Variants in PTPRQ observed in about 807,000 individuals in gnomAD.
PTPRQ encodes the protein phosphatidylinositol phosphatase PTPRQ.
In PTPRQ, 199 loss-of-function variants were observed where a neutral mutation model predicts 246.0. The ratio of observed to expected loss-of-function variants is 0.81; its 90% confidence interval spans 0.72 to 0.91. The LOEUF is 0.91. Ranked by LOEUF, PTPRQ falls within the 40% of genes least tolerant of loss-of-function variation. The pLI, the probability that PTPRQ is intolerant of heterozygous loss-of-function variation, is 0.00. For missense variants in PTPRQ, 2,624 were observed against 2,528.4 expected, an observed-to-expected ratio of 1.04 and a Z score of -0.81; for synonymous variants, 869 against 853.2, an observed-to-expected ratio of 1.02 and a Z score of -0.32.
At position 80,522,297 on chromosome 12, in the gene PTPRQ, G is replaced by A. The variant is rs750952194; in HGVS notation, c.2679-11718G>A. Among the ~76,000 whole-genome samples, 141 of 152,182 alleles carry A rather than the reference G, an allele frequency of 9.3e-4. 1 individual carries two copies. Among genetic ancestry groups the A allele is most frequent in the Admixed American group, 2.3e-3 (35 of 15,264 alleles). ...TGGAGTTTTCTAGATATACAATCATGTCATCTGCAAACAGGGACAATTTGA... is the reference window on the plus strand; with the variant it reads ...TGGAGTTTTCTAGATATACAATCATATCATCTGCAAACAGGGACAATTTGA... On this transcript the variant is annotated intron_variant, in intron 17 of 44. Transcript: ENST00000644991.
chr12:80,677,931 A>T (rs1321495004), intron 43 of PTPRQ, among the ~76,000 whole-genome samples: 1 of 152,148 alleles, frequency 6.6e-6, no homozygotes, highest in Non-Finnish European at 1.5e-5. Context: ...ATAAGGTCCA[A>T]ACTCAGAGAT....
chr12:80,544,335 C>CA (rs1218611100), intron 23 of PTPRQ, among the ~76,000 whole-genome samples: 4 of 151,978 alleles, frequency 2.6e-5, no homozygotes, highest in Admixed American at 2.0e-4. Flanking sequence ...TTTAAAAGAA[C>CA]AAAAAAACTG....
intron 6 of PTPRQ, among the ~76,000 whole-genome samples, chr12:80,465,843 G>T (rs1565723352): frequency 6.6e-6 from 1 of 152,004 alleles, no homozygotes; most frequent in South Asian, 2.1e-4. Context: ...TTAGGAATTG[G>T]TGGGACGTAT....
At chr12:80,466,125 A>G (rs1893398662) in intron 6 of PTPRQ, among the ~76,000 whole-genome samples, 1 of 152,204 alleles carries the variant, frequency 6.6e-6, no homozygotes, top group Non-Finnish European at 1.5e-5. Flanking sequence ...TCAGCCCAAA[A>G]TCTCCTTAAG....
chr12:80,551,777 C>G (rs754312015), intron 25 of PTPRQ, among the ~76,000 whole-genome samples: 5 of 151,718 alleles, frequency 3.3e-5, no homozygotes, highest in South Asian at 2.1e-4. Context: ...GCTGATGTCT[C>G]CAGCCAAACT....
At chr12:80,558,411 G>T (rs1409395403) in intron 25 of PTPRQ, among the ~76,000 whole-genome samples, 1 of 148,720 alleles carries the variant, frequency 6.7e-6, no homozygotes, top group African/African-American at 2.5e-5. Flanking sequence ...CAGGCAATGT[G>T]CCCACCTCGG....
At chr12:80,621,953 C>A (rs1194804486) in intron 32 of PTPRQ, 108 bp from the exon 33 acceptor site, 10 of 778,860 alleles carry the variant, frequency 1.3e-5, no homozygotes, top group South Asian at 3.1e-5. Context: ...CTTGTAAATT[C>A]ATTTTCTTTT....
At chr12:80,503,669 C>T (rs1034716542) in intron 14 of PTPRQ, among the ~76,000 whole-genome samples, 5 of 151,766 alleles carry the variant, frequency 3.3e-5, no homozygotes, top group Non-Finnish European at 5.9e-5. Flanking sequence ...GTTTAACCCT[C>T]CAAGTTAATT....
intron 43 of PTPRQ, among the ~76,000 whole-genome samples, chr12:80,673,772 C>A (rs1299231594): frequency 6.6e-6 from 1 of 151,990 alleles, no homozygotes; most frequent in African/African-American, 2.4e-5. Context: ...TTGTAGCACG[C>A]TATCAACTAT....
intron 8 of PTPRQ, 117 bp downstream of exon 8, chr12:80,472,368 T>G (rs1180304290): frequency 1.5e-6 from 2 of 1,361,184 alleles, no homozygotes; most frequent in East Asian, 5.0e-5. Context: ...GTTATTTCCT[T>G]ATTAAATTAC....
At chr12:80,462,370 A>G (rs1893219489) in intron 6 of PTPRQ, 1 of 194,352 alleles carries the variant, frequency 5.1e-6, no homozygotes. Context: ...GGAAGCTCCA[A>G]CTGGGTGGAG....
intron 25 of PTPRQ, among the ~76,000 whole-genome samples, chr12:80,560,044 A>C (rs1376895576): frequency 1.3e-5 from 2 of 152,228 alleles, no homozygotes; most frequent in African/African-American, 4.8e-5. Flanking sequence ...GAATTTGGGG[A>C]AACGAGACCA....
At chr12:80,603,544 T>G (rs140495795) in intron 26 of PTPRQ, among the ~76,000 whole-genome samples, 21 of 151,808 alleles carry the variant, frequency 1.4e-4, no homozygotes, top group African/African-American at 5.1e-4. Flanking sequence ...AATCTTTTTT[T>G]GTACCATGAA....
chr12:80,652,165 A>G (rs1900279852), intron 37 of PTPRQ, among the ~76,000 whole-genome samples: 1 of 152,092 alleles, frequency 6.6e-6, no homozygotes, highest in Non-Finnish European at 1.5e-5. Context: ...GATAGATAAT[A>G]TCATAAATTT....
intron 29 of PTPRQ, 33 bp from the exon 30 acceptor site, chr12:80,616,167 T>C: frequency 7.0e-7 from 1 of 1,437,516 alleles, no homozygotes; most frequent in African/African-American, 1.5e-5. Context: ...AAGCAATCAC[T>C]TGAAAATAGT....
intron 25 of PTPRQ, among the ~76,000 whole-genome samples, chr12:80,585,165 CA>C (rs1398107851): frequency 1.3e-5 from 2 of 152,158 alleles, no homozygotes; most frequent in African/African-American, 4.8e-5. Flanking sequence ...TTAACCTACT[CA>C]AAAGAAATTG....
chr12:80,627,271 C>T (rs1393136488), intron 33 of PTPRQ, among the ~76,000 whole-genome samples: 1 of 151,030 alleles, frequency 6.6e-6, no homozygotes, highest in Non-Finnish European at 1.5e-5. Context: ...TTTGAATACC[C>T]TAGGTGACTA....
At chr12:80,668,759 A>G (rs1192422858) in intron 39 of PTPRQ, among the ~76,000 whole-genome samples, 1 of 152,078 alleles carries the variant, frequency 6.6e-6, no homozygotes, top group East Asian at 1.9e-4. Context: ...AAATATTATT[A>G]TGTAGTCCTT....
At chr12:80,644,670 T>C (rs1482742112) in intron 35 of PTPRQ, among the ~76,000 whole-genome samples, 1 of 152,116 alleles carries the variant, frequency 6.6e-6, no homozygotes, top group African/African-American at 2.4e-5. Flanking sequence ...CTCTCAGTGA[T>C]AAGTTAGTGC....
Sources: gnomAD v4.1 joint callset for allele counts (sites outside exome capture counted in the v4.1 genomes callset) on GRCh38, gnomAD v4.1.1 for gene constraint, MANE v1.5 for transcripts, NCBI Gene and HGNC (gene_info 2026-07-23, HGNC 2026-07-21) for gene names.